ASCL1: variants seen among roughly 807,000 people sequenced by gnomAD.
ASCL1 encodes achaete-scute family bHLH transcription factor 1.
A neutral mutation model predicts 16.1 loss-of-function variants in ASCL1; 2 were observed. The observed-to-expected ratio is 0.12, with a 90% CI of 0.05 to 0.39. The LOEUF (loss-of-function observed/expected upper bound fraction) is 0.39, where lower values mean the gene tolerates loss of function less well. ASCL1 is among the 10% of genes least tolerant of loss of function. The pLI is 0.99. For synonymous variants in ASCL1, 165 were observed against 155.7 expected, an observed-to-expected ratio of 1.06 and a Z score of -0.45; for missense variants, 276 against 336.9, an observed-to-expected ratio of 0.82 and a Z score of 1.41.
Position 102,960,306 on chromosome 12 carries a change from A to G in ASCL1, c.*992A>G, listed in dbSNP as rs999896467. ...TGTTAATGTATTAATGATGTTATTA[A>G]ATACTGTTCAAGAAGAACAAAGTTT... is the stretch of plus-strand genomic sequence containing the variant. On this transcript the variant is annotated 3_prime_UTR_variant, in exon 2 of 2. Transcript: ENST00000266744. 1.3e-5 allele frequency: 2 copies of G among 152,678 alleles called. No individual in the cohort carries two copies. Among genetic ancestry groups the G allele is most frequent in the African/African-American group, 4.8e-5 (2 of 41,464 alleles). The allele number at this position is 152,678 out of a possible 1,614,324, so 9.5% of individuals were successfully genotyped here.
Position 102,958,235 on chromosome 12 carries a change from G to A in ASCL1, c.-10G>A, listed in dbSNP as rs1879988403. The A allele has an allele frequency of 2.1e-6, 3 of 1,460,292 alleles. No homozygotes were observed. Among genetic ancestry groups the A allele is most frequent in the East Asian group, 3.0e-5 (1 of 33,160 alleles). 90.5% of individuals were successfully genotyped at this position (1,460,292 alleles called of 1,614,324 possible). Reference sequence around the variant, plus strand: ...GCTCTGATTCCGCGACTCCTTGGCCGCCGCTGCGCATGGAAAGCTCTGCCA... The same window carrying A: ...GCTCTGATTCCGCGACTCCTTGGCCACCGCTGCGCATGGAAAGCTCTGCCA... On this transcript the variant is annotated 5_prime_UTR_variant, in exon 1 of 2. Coordinates refer to ENST00000266744, the MANE Select transcript of ASCL1 (RefSeq NM_004316.4).
rs777064334 is a variant in ASCL1, at chr12:102,958,313, C to T, written c.69C>T (p.Pro23=). ...AGCCCCAGCCGCAGCCCCAGCAGCC[C>T]TTCCTGCCGCCCGCAGCCTGTTTCT... ...GQQPQPQPQQ[P]FLPPAACFFA... The change falls in exon 1 of 2, where the codon CCC becomes CCT. Residue 23 remains proline (P), a synonymous_variant. Transcript: ENST00000266744. The T allele has an allele frequency of 8.1e-6, 12 of 1,477,090 alleles. No individual in the cohort carries two copies. In the Admixed American group the frequency reaches 2.9e-4, roughly 36 times the overall value. 91.5% of individuals were successfully genotyped at this position (1,477,090 alleles called of 1,614,324 possible). A position where few individuals can be genotyped will look rare whatever the true frequency, so the allele number is the denominator to read the frequency against.
intron 1 of ASCL1, 92 bp downstream of exon 1, chr12:102,959,094 A>G: frequency 7.6e-7 from 1 of 1,320,706 alleles, no homozygotes; most frequent in Non-Finnish European, 1.0e-6. Context: ...CAAGGAGATA[A>G]GGGGATTTTT....
Position 102,957,827 on chromosome 12 carries a change from CAA to C in ASCL1, c.-417_-416del, listed in dbSNP as rs1040862807. 6.1e-6 allele frequency: 1 copy of C among 164,706 alleles called. No individual in the cohort carries two copies. The highest frequency in any genetic ancestry group is 1.3e-5 in the Non-Finnish European group (1 of 76,830). The allele number at this position is 164,706 out of a possible 1,614,324, so 10.2% of individuals were successfully genotyped here. On this transcript the variant is annotated 5_prime_UTR_variant, in exon 1 of 2. Transcript: ENST00000266744. This position sits in a 1 kb window ranked among gnomAD's most constrained non-coding sequence, Gnocchi z 4.1. ...CGGCTGGAGAGACCGAGACCCGGCG[CAA>C]GAGAGCGCAGCCTTAGTAGGAGAGG...
In ASCL1 at chr12:102,958,371, G is replaced by T. The variant is rs1046623355; in HGVS notation, c.127G>T (p.Ala43Ser). 1 of 1,444,374 alleles carries T rather than the reference G, an allele frequency of 6.9e-7. No homozygotes were observed. 89.5% of individuals were successfully genotyped at this position (1,444,374 alleles called of 1,614,324 possible). The change falls in exon 1 of 2, where the codon GCC becomes TCC. Residue 43 changes from alanine (A) to serine (S), a missense_variant. Physicochemically the swap from Ala to Ser is moderately conservative, Grantham distance 99 (BLOSUM62 1). Around this residue, in one of 3 missense-constraint regions of ASCL1, gnomAD observed 178 missense variants for 167.0 expected, o/e 1.07. Transcript: ENST00000266744. Reference sequence around the variant, plus strand: ...GGCCGCAGCCGCGGCGGCCGCAGCCGCCGCAGCGGCAGCGCAGAGCGCGCA... The same window carrying T: ...GGCCGCAGCCGCGGCGGCCGCAGCCTCCGCAGCGGCAGCGCAGAGCGCGCA... ...ATAAAAAAAA[A>S]AAAAQSAQQQ...
At position 102,960,187 on chromosome 12, in the gene ASCL1, C is replaced by A. The variant is rs1880074001; in HGVS notation, c.*873C>A. On this transcript the variant is annotated 3_prime_UTR_variant, in exon 2 of 2. Coordinates refer to ENST00000266744, the MANE Select transcript of ASCL1 (RefSeq NM_004316.4). Reference sequence around the variant, plus strand: ...AGTTCACCTTACAACTGCAATTTTCCCTATGTGGTTTTGTAAAGAACTCTC... The same window carrying A: ...AGTTCACCTTACAACTGCAATTTTCACTATGTGGTTTTGTAAAGAACTCTC... 1 of 152,532 alleles carries A rather than the reference C, an allele frequency of 6.6e-6. No homozygotes were observed. The highest frequency in any genetic ancestry group is 6.5e-5 in the Admixed American group (1 of 15,274). The allele number at this position is 152,532 out of a possible 1,614,324, so 9.4% of individuals were successfully genotyped here. A position where few individuals can be genotyped will look rare whatever the true frequency, so the allele number is the denominator to read the frequency against.
Position 102,958,843 on chromosome 12 carries a change from A to G in ASCL1, c.599A>G (p.Asp200Gly). Residue 200 changes from aspartate to glycine, a missense_variant, in exon 1 of 2, where the codon GAC becomes GGC. Physicochemically the swap from Asp to Gly is moderately conservative, Grantham distance 94 (BLOSUM62 -1). Around this residue, in one of 3 missense-constraint regions of ASCL1, gnomAD observed 68 missense variants for 86.7 expected, o/e 0.78. Coordinates refer to ENST00000266744, the MANE Select transcript of ASCL1 (RefSeq NM_004316.4). Reference protein sequence around the residue: ...SPTISPNYSNDLNSMAGSPVS... With the variant: ...SPTISPNYSNGLNSMAGSPVS... The stretch of plus-strand genomic sequence containing the variant: ...ACCATCTCCCCCAACTACTCCAACG[A>G]CTTGAACTCCATGGCCGGCTCGCCG... 1 of 1,613,746 alleles carries G rather than the reference A, an allele frequency of 6.2e-7. No homozygotes were observed. The highest frequency in any genetic ancestry group is 8.5e-7 in the Non-Finnish European group (1 of 1,179,802).
Position 102,958,697 on chromosome 12 carries a change from CAAG to C in ASCL1, c.458_460del (p.Lys153del), listed in dbSNP as rs754782502. ...AGCACGTCCCCAACGGCGCGGCCAA[CAAG>C]AAGATGAGTAAGGTGGAGACACTGC... is the stretch of plus-strand genomic sequence containing the variant. On this transcript the variant is annotated inframe_deletion, in exon 1 of 2. Transcript: ENST00000266744. The C allele has an allele frequency of 4.3e-6, 7 of 1,613,992 alleles. No individual in the cohort carries two copies. The highest frequency in any genetic ancestry group is 1.3e-5 in the African/African-American group (1 of 74,952).
At position 102,958,160 on chromosome 12, in the gene ASCL1, A is replaced by C. The variant is rs1879984987; in HGVS notation, c.-85A>C. On this transcript the variant is annotated 5_prime_UTR_variant, in exon 1 of 2. Coordinates refer to ENST00000266744, the MANE Select transcript of ASCL1 (RefSeq NM_004316.4). ...TCTTTCCCTCTCTGTTCCTGCACCC[A>C]AGTTCTCTCTGTGTCCCCCTCGCGG... 2 of 1,075,396 alleles carry C rather than the reference A, an allele frequency of 1.9e-6. No homozygotes were observed. The highest frequency in any genetic ancestry group is 3.3e-5 in the African/African-American group (2 of 60,052). 66.6% of individuals were successfully genotyped at this position (1,075,396 alleles called of 1,614,324 possible).
Position 102,960,467 on chromosome 12 carries a change from A to G in ASCL1, c.*1153A>G, listed in dbSNP as rs767585231. On this transcript the variant is annotated 3_prime_UTR_variant, in exon 2 of 2. Transcript: ENST00000266744. ...AAAAATATGTATAACCCTGTTTTAT[A>G]CAAACTAGTTTCGTAATAAAACTTT... The G allele has an allele frequency of 3.3e-5, 5 of 152,592 alleles. No individual in the cohort carries two copies. The highest frequency in any genetic ancestry group is 4.8e-5 in the African/African-American group (2 of 41,412). The allele number at this position is 152,592 out of a possible 1,614,324, so 9.5% of individuals were successfully genotyped here. A position where few individuals can be genotyped will look rare whatever the true frequency, so the allele number is the denominator to read the frequency against.
Position 102,958,378 on chromosome 12 carries a change from C to T in ASCL1, c.134C>T (p.Ala45Val), listed in dbSNP as rs568951072. 1.4e-5 allele frequency: 21 copies of T among 1,478,948 alleles called. No homozygotes were observed. The East Asian group carries it at 5.5e-4, about 39-fold the overall frequency. The allele number at this position is 1,478,948 out of a possible 1,614,324, so 91.6% of individuals were successfully genotyped here. Reference protein sequence around the residue: ...AAAAAAAAAAAAAQSAQQQQQ... With the variant: ...AAAAAAAAAAVAAQSAQQQQQ... ...GCCGCGGCGGCCGCAGCCGCCGCAG[C>T]GGCAGCGCAGAGCGCGCAGCAGCAG... Residue 45 changes from alanine (A) to valine (V), a missense_variant, in exon 1 of 2, where the codon GCG (alanine) becomes GTG (valine). Ala to Val is a moderately conservative substitution (Grantham distance 64). This residue lies in a region of ASCL1 where 178 missense variants were observed against 167.0 expected (regional missense o/e 1.07). Transcript: ENST00000266744.
At position 102,957,983 on chromosome 12, in the gene ASCL1, A is replaced by G. The variant is rs1231972717; in HGVS notation, c.-262A>G. On this transcript the variant is annotated 5_prime_UTR_variant, in exon 1 of 2. Coordinates refer to ENST00000266744, the MANE Select transcript of ASCL1 (RefSeq NM_004316.4). The surrounding 1 kb of genome is among the most constrained non-coding windows in gnomAD (Gnocchi z 4.1). ...GCGCCACGCGAGGCTCCCGAAGCCAACCCGCGAAGGGAGGAGGGGAGGGAG... is the reference window on the plus strand; with the variant it reads ...GCGCCACGCGAGGCTCCCGAAGCCAGCCCGCGAAGGGAGGAGGGGAGGGAG... 9.3e-6 allele frequency: 3 copies of G among 322,584 alleles called. No individual in the cohort carries two copies. The highest frequency in any genetic ancestry group is 4.3e-5 in the African/African-American group (2 of 46,316). 20.0% of individuals were successfully genotyped at this position (322,584 alleles called of 1,614,324 possible).
At position 102,958,962 on chromosome 12, in the gene ASCL1, C is replaced by A. The variant is rs995997230; in HGVS notation, c.*7C>A. 3.1e-6 allele frequency: 5 copies of A among 1,613,370 alleles called. No individual in the cohort carries two copies. The Admixed American group carries it at 5.0e-5, about 16-fold the overall frequency. On this transcript the variant is annotated 3_prime_UTR_variant, in exon 1 of 2. Transcript: ENST00000266744. Reference sequence around the variant, plus strand: ...CTTCACCAACTGGTTCTGAGGGGCTCGGCCTGGTCAGGCCCTGGTGCGAAT... The same window carrying A: ...CTTCACCAACTGGTTCTGAGGGGCTAGGCCTGGTCAGGCCCTGGTGCGAAT...
rs1329290573 is a variant in ASCL1, at chr12:102,958,370, C to G, written c.126C>G (p.Ala42=). The change falls in exon 1 of 2, where the codon GCC becomes GCG. Residue 42 remains alanine (A), a synonymous_variant. Coordinates refer to ENST00000266744, the MANE Select transcript of ASCL1 (RefSeq NM_004316.4). Reference sequence around the variant, plus strand: ...CGGCCGCAGCCGCGGCGGCCGCAGCCGCCGCAGCGGCAGCGCAGAGCGCGC... The same window carrying G: ...CGGCCGCAGCCGCGGCGGCCGCAGCGGCCGCAGCGGCAGCGCAGAGCGCGC... The part of the protein sequence containing the change: ...FATAAAAAAA[A]AAAAAQSAQQ... The G allele has an allele frequency of 6.9e-7, 1 of 1,442,688 alleles. No individual in the cohort carries two copies. The highest frequency in any genetic ancestry group is 9.1e-7 in the Non-Finnish European group (1 of 1,102,762). 89.4% of individuals were successfully genotyped at this position (1,442,688 alleles called of 1,614,324 possible). A position where few individuals can be genotyped will look rare whatever the true frequency, so the allele number is the denominator to read the frequency against.
At position 102,958,020 on chromosome 12, in the gene ASCL1, G is replaced by T. The variant is rs1180384855; in HGVS notation, c.-225G>T. On this transcript the variant is annotated 5_prime_UTR_variant, in exon 1 of 2. Coordinates refer to ENST00000266744, the MANE Select transcript of ASCL1 (RefSeq NM_004316.4). The stretch of plus-strand genomic sequence containing the variant: ...AGGAGGGGAGGGAGGAGGAGGCGGC[G>T]TGCAGGGAGGAGAAAAAGCATTTTC... 1 of 381,804 alleles carries T rather than the reference G, an allele frequency of 2.6e-6. No homozygotes were observed. Among genetic ancestry groups the T allele is most frequent in the Non-Finnish European group, 4.6e-6 (1 of 217,718 alleles). 23.7% of individuals were successfully genotyped at this position (381,804 alleles called of 1,614,324 possible).
chr12:102,959,438 A>G lies in ASCL1; in HGVS notation c.*124A>G, dbSNP rs534402144. On this transcript the variant is annotated 3_prime_UTR_variant, in exon 2 of 2. Transcript: ENST00000266744. ...GGGGGAGAAAAGGAAAAGAAAAAAA[A>G]AAGAAGAAGAAGAAGAAAAGAGAAG... 2,643 of 154,286 alleles carry G rather than the reference A, an allele frequency of 0.017. 69 individuals are homozygous for G. Among genetic ancestry groups the G allele is most frequent in the African/African-American group, 0.061 (2,509 of 41,174 alleles). 9.6% of individuals were successfully genotyped at this position (154,286 alleles called of 1,614,324 possible). A position where few individuals can be genotyped will look rare whatever the true frequency, so the allele number is the denominator to read the frequency against.
Position 102,960,290 on chromosome 12 carries a change from A to G in ASCL1, c.*976A>G, listed in dbSNP as rs1240346767. 1 of 152,686 alleles carries G rather than the reference A, an allele frequency of 6.5e-6. No individual in the cohort carries two copies. Among genetic ancestry groups the G allele is most frequent in the Non-Finnish European group, 1.5e-5 (1 of 68,044 alleles). The allele number at this position is 152,686 out of a possible 1,614,324, so 9.5% of individuals were successfully genotyped here. A position where few individuals can be genotyped will look rare whatever the true frequency, so the allele number is the denominator to read the frequency against. On this transcript the variant is annotated 3_prime_UTR_variant, in exon 2 of 2. Transcript: ENST00000266744. ...TACTTTATAGAAATGTTGTTAATGT[A>G]TTAATGATGTTATTAAATACTGTTC...
At position 102,959,737 on chromosome 12, in the gene ASCL1, C is replaced by G. The variant is rs1216039314; in HGVS notation, c.*423C>G. The stretch of plus-strand genomic sequence containing the variant: ...CAGCTGAAAGTTCTTGCTCGGGTCC[C>G]TTCACCTCCTCGCCCTTTCTTAAAG... On this transcript the variant is annotated 3_prime_UTR_variant, in exon 2 of 2. Coordinates refer to ENST00000266744, the MANE Select transcript of ASCL1 (RefSeq NM_004316.4). The G allele has an allele frequency of 1.3e-5, 2 of 152,396 alleles. No homozygotes were observed. Among genetic ancestry groups the G allele is most frequent in the East Asian group, 3.9e-4 (2 of 5,186 alleles). 9.4% of individuals were successfully genotyped at this position (152,396 alleles called of 1,614,324 possible).
In ASCL1 at chr12:102,958,562, C is replaced by G; in HGVS notation, c.318C>G (p.Ser106Arg). 6.2e-7 allele frequency: 1 copy of G among 1,610,424 alleles called. No individual in the cohort carries two copies. Among genetic ancestry groups the G allele is most frequent in the Non-Finnish European group, 8.5e-7 (1 of 1,178,546 alleles). ...LMRCKRRLNF[S>R]GFGYSLPQQQ... The stretch of plus-strand genomic sequence containing the variant: ...GCTGCAAACGCCGGCTCAACTTCAG[C>G]GGCTTTGGCTACAGCCTGCCGCAGC... The change falls in exon 1 of 2, where the codon AGC becomes AGG. Residue 106 changes from serine (S) to arginine (R), a missense_variant. Physicochemically the swap from Ser to Arg is moderately radical, Grantham distance 110 (BLOSUM62 -1). This residue lies in a region of ASCL1 where 178 missense variants were observed against 167.0 expected (regional missense o/e 1.07). Transcript: ENST00000266744.
Sources: gnomAD v4.1 joint callset for allele counts on GRCh38, gnomAD v4.1.1 for gene constraint, gnomAD v4.1.1 regional missense constraint, Gnocchi (gnomAD v3.1) non-coding constraint, MANE v1.5 for transcripts, NCBI Gene and HGNC (gene_info 2026-07-23, HGNC 2026-07-21) for gene names.